Variants in FBXL7 observed in about 807,000 individuals in gnomAD.
The protein encoded by FBXL7 is F-box and leucine rich repeat protein 7.
A neutral mutation model predicts 38.3 loss-of-function variants in FBXL7; 12 were observed. The observed-to-expected ratio is 0.31, with a 90% CI of 0.20 to 0.51. The LOEUF (loss-of-function observed/expected upper bound fraction) is 0.51, where lower values mean the gene tolerates loss of function less well. FBXL7 is among the 20% of genes least tolerant of loss of function. FBXL7 has a pLI of 0.98. For missense variants in FBXL7, 567 were observed against 676.4 expected (o/e 0.84, Z 1.79); for synonymous variants, 297 against 300.9 (o/e 0.99, Z 0.13).
At position 15,892,856 on chromosome 5, in the gene FBXL7, G is replaced by A. The variant is rs147235427; in HGVS notation, c.128-35034G>A. ...GCTTAGGCCGGGCGCGGTGGCTCAC[G>A]CCTGTAATCCCAGCACTTTGGGAGG... is the stretch of plus-strand genomic sequence containing the variant. On this transcript the variant is annotated intron_variant, in intron 2 of 3. Transcript: ENST00000504595. 1.8e-3 allele frequency among the ~76,000 whole-genome samples: 278 copies of A among 152,256 alleles called. 7 individuals are homozygous for A. The East Asian group carries it at 0.04, about 22-fold the overall frequency.
chr5:15,845,709 T>C (rs571076192), intron 2 of FBXL7, among the ~76,000 whole-genome samples: 345 of 152,316 alleles, frequency 2.3e-3, no homozygotes, highest in African/African-American at 5.6e-3. Flanking sequence ...TGGTGGCTCA[T>C]GCCTGTAATC....
rs1166625173 is a variant in FBXL7 at position 15,937,183 on chromosome 5, C to G, written c.1473C>G (p.Phe491Leu). The G allele has an allele frequency of 6.3e-7, 1 of 1,585,910 alleles. No individual in the cohort carries two copies. The highest frequency in any genetic ancestry group is 2.3e-5 in the East Asian group (1 of 44,082). The change falls in exon 4 of 4, where the codon TTC (phenylalanine) becomes TTG (leucine). Residue 491 changes from phenylalanine (F) to leucine (L), a missense_variant. Transcript: ENST00000504595. Reference sequence around the variant, plus strand: ...TCGAGCACACCAACCCGGCTTTCTTCTGAAGGGACAGAGTTCATCCGGCGT... The same window carrying G: ...TCGAGCACACCAACCCGGCTTTCTTGTGAAGGGACAGAGTTCATCCGGCGT... ...CVIEHTNPAF[F>L] is the part of the protein sequence containing the mutation.
intron 2 of FBXL7, among the ~76,000 whole-genome samples, chr5:15,722,113 G>A (rs906457240): frequency 3.9e-5 from 6 of 152,168 alleles, no homozygotes; most frequent in Non-Finnish European, 2.9e-5. Flanking sequence ...GATTACAGGC[G>A]TGAGCCATCA....
chr5:15,932,741 G>A (rs1450082551), intron 3 of FBXL7, among the ~76,000 whole-genome samples: 1 of 151,982 alleles, frequency 6.6e-6, no homozygotes. Flanking sequence ...ATGCAAATTG[G>A]TTTTCACTCC....
chr5:15,654,241 AT>A (rs1741802202), intron 2 of FBXL7, among the ~76,000 whole-genome samples: 1 of 152,170 alleles, frequency 6.6e-6, no homozygotes, highest in African/African-American at 2.4e-5. Flanking sequence ...ATCAGGACAG[AT>A]AAAGTTGGCA....
intron 2 of FBXL7, among the ~76,000 whole-genome samples, chr5:15,729,408 CTT>C (rs1474013658): frequency 6.6e-6 from 1 of 152,052 alleles, no homozygotes; most frequent in East Asian, 1.9e-4. Context: ...AACCCAATGA[CTT>C]TTTATTTTTA....
In FBXL7 at chr5:15,541,443, G is replaced by GTATATATATATA. The variant is rs56810372; in HGVS notation, c.37+40757_37+40768dup. 7.9e-3 allele frequency among the ~76,000 whole-genome samples: 304 copies of GTATATATATATA among 38,390 alleles called. 7 individuals carry two copies. Among genetic ancestry groups the GTATATATATATA allele is most frequent in the South Asian group, 0.014 (11 of 790 alleles). The allele number at this position is 38,390 out of a possible 152,430, so 25.2% of individuals were successfully genotyped here. ...ACATATAGTATATATGTGTGTGTGT[G>GTATATATATATA]TATATATATATATATATATATATAT... On this transcript the variant is annotated intron_variant, in intron 1 of 3. Transcript: ENST00000504595.
intron 2 of FBXL7, among the ~76,000 whole-genome samples, chr5:15,911,440 A>G (rs1305485389): frequency 1.4e-5 from 2 of 140,012 alleles, no homozygotes; most frequent in South Asian, 4.2e-4. Context: ...ATTTTTTTCA[A>G]CGTTTTCAAC....
chr5:15,878,110 G>A (rs1036272754), intron 2 of FBXL7, among the ~76,000 whole-genome samples: 1 of 152,142 alleles, frequency 6.6e-6, no homozygotes, highest in Non-Finnish European at 1.5e-5. Context: ...GTGTGAAAAG[G>A]CTATGTAAAT....
intron 2 of FBXL7, among the ~76,000 whole-genome samples, chr5:15,877,567 A>G (rs574849015): frequency 3.9e-5 from 6 of 152,286 alleles, no homozygotes; most frequent in African/African-American, 1.4e-4. Flanking sequence ...GTAAATAACA[A>G]TGAATAATAA....
intron 1 of FBXL7, among the ~76,000 whole-genome samples, chr5:15,541,168 C>G (rs1737730712): frequency 6.6e-6 from 1 of 151,402 alleles, no homozygotes; most frequent in Admixed American, 6.6e-5. Context: ...GCCTCACTCC[C>G]AAATCCTCCA....
intron 2 of FBXL7, among the ~76,000 whole-genome samples, chr5:15,722,519 T>C (rs1012902615): frequency 1.6e-4 from 24 of 152,112 alleles, no homozygotes; most frequent in Non-Finnish European, 1.9e-4. Context: ...GTTCCTGAGA[T>C]CTAAGTGTGG....
chr5:15,602,675 G>C (rs971655866), intron 1 of FBXL7, among the ~76,000 whole-genome samples: 1 of 151,796 alleles, frequency 6.6e-6, no homozygotes, highest in East Asian at 1.9e-4. Flanking sequence ...TTTGTATGTT[G>C]GTCAACCCTT....
At chr5:15,838,487 T>C (rs1272897651) in intron 2 of FBXL7, among the ~76,000 whole-genome samples, 1 of 152,152 alleles carries the variant, frequency 6.6e-6, no homozygotes, top group African/African-American at 2.4e-5. Context: ...GGGGTTAGGA[T>C]TTCAACATAA....
intron 2 of FBXL7, among the ~76,000 whole-genome samples, chr5:15,737,121 A>G (rs116220667): frequency 6.6e-6 from 1 of 152,240 alleles, no homozygotes; most frequent in Non-Finnish European, 1.5e-5. Flanking sequence ...CAGCCCCCTC[A>G]TTCCAGAATC....
intron 2 of FBXL7, among the ~76,000 whole-genome samples, chr5:15,800,760 G>A (rs908241181): frequency 2.6e-5 from 4 of 152,270 alleles, no homozygotes; most frequent in East Asian, 1.9e-4. Context: ...AGGCATGTCC[G>A]GGGTGTTATC....
In FBXL7 at chr5:15,683,423, A is replaced by AC. The variant is rs538530088; in HGVS notation, c.127+67356dup. The stretch of plus-strand genomic sequence containing the variant: ...CCCTGCTGGGGCTGTGCTCTCCGTC[A>AC]CCCCCAGGCGGAGCTCTGCCAAGAT... On this transcript the variant is annotated intron_variant, in intron 2 of 3. Coordinates refer to ENST00000504595, the MANE Select transcript of FBXL7 (RefSeq NM_012304.5). 3.2e-3 allele frequency among the ~76,000 whole-genome samples: 491 copies of AC among 152,056 alleles called. 2 individuals carry two copies. Among genetic ancestry groups the AC allele is most frequent in the African/African-American group, 0.011 (466 of 41,480 alleles).
At chr5:15,930,802 G>T (rs538083206) in intron 3 of FBXL7, among the ~76,000 whole-genome samples, 1 of 152,306 alleles carries the variant, frequency 6.6e-6, no homozygotes, top group South Asian at 2.1e-4. Flanking sequence ...GGTCTTGAAA[G>T]ACTCAACAGG....
intron 2 of FBXL7, among the ~76,000 whole-genome samples, chr5:15,756,881 A>G (rs539531017): frequency 1.1e-4 from 17 of 152,206 alleles, no homozygotes; most frequent in Non-Finnish European, 1.9e-4. Context: ...GAAAAAGGCA[A>G]ATTTTAAAAG....
Sources: gnomAD v4.1 joint callset for allele counts (sites outside exome capture counted in the v4.1 genomes callset) on GRCh38, gnomAD v4.1.1 for gene constraint, MANE v1.5 for transcripts, NCBI Gene and HGNC (gene_info 2026-07-23, HGNC 2026-07-21) for gene names.